CISD2: variants seen among roughly 807,000 people sequenced by gnomAD.
CISD2 encodes CDGSH iron sulfur domain 2.
A neutral mutation model predicts 12.9 loss-of-function variants in CISD2; 1 was observed. The ratio of observed to expected loss-of-function variants is 0.08; its 90% CI spans 0.03 to 0.37. CISD2 has a LOEUF of 0.37. Among genes scored for constraint, CISD2 ranks in the 10% least tolerant of loss-of-function variants. The pLI is 0.99. For synonymous variants in CISD2, 50 were observed against 60.6 expected, an observed-to-expected ratio of 0.83 and a Z score of 0.81; for missense variants, 97 against 163.1, an observed-to-expected ratio of 0.59 and a Z score of 2.21.
chr4:102,886,012 G>C (rs997124957), intron 2 of CISD2, among the ~76,000 whole-genome samples: 7 of 152,148 alleles, frequency 4.6e-5, no homozygotes, highest in African/African-American at 1.2e-4. Flanking sequence ...CTTGATCATA[G>C]ATTATTTGAG....
chr4:102,877,483 C>T (rs944765346), intron 1 of CISD2, among the ~76,000 whole-genome samples: 15 of 152,316 alleles, frequency 9.8e-5, no homozygotes, highest in African/African-American at 3.6e-4. Flanking sequence ...CCTTGGGCAG[C>T]TCCTTCAAGG....
In CISD2 at chr4:102,885,281, C is replaced by T. The variant is rs1265453339; in HGVS notation, c.169C>T (p.Arg57Cys). Reference sequence around the variant, plus strand: ...CGCACTTCTTGGCTACCTTGCAGTTCGTCCATTCCTCCCGAAGAAGAAACA... The same window carrying T: ...CGCACTTCTTGGCTACCTTGCAGTTTGTCCATTCCTCCCGAAGAAGAAACA... ...VLALLGYLAVRPFLPKKKQQK... is the reference protein window; with the variant it reads ...VLALLGYLAVCPFLPKKKQQK... The change falls in exon 2 of 3, where the codon CGT becomes TGT. Residue 57 changes from arginine to cysteine, a missense_variant. Arg to Cys is a radical substitution (Grantham distance 180). Around this residue, in one of 2 missense-constraint regions of CISD2, gnomAD observed 89 missense variants for 114.4 expected, o/e 0.78. Coordinates refer to ENST00000273986, the MANE Select transcript of CISD2 (RefSeq NM_001008388.5). The T allele has an allele frequency of 2.5e-6, 4 of 1,614,056 alleles. No individual in the cohort carries two copies. The highest frequency in any genetic ancestry group is 3.4e-6 in the Non-Finnish European group (4 of 1,179,982).
rs1409803876 is a variant in CISD2 at position 102,891,046 on chromosome 4, T to C, written c.*3616T>C. The C allele has an allele frequency of 2.0e-5, 3 of 151,020 alleles. No individual in the cohort carries two copies. Among genetic ancestry groups the C allele is most frequent in the Non-Finnish European group, 4.4e-5 (3 of 68,002 alleles). 9.4% of individuals were successfully genotyped at this position (151,020 alleles called of 1,614,324 possible). On this transcript the variant is annotated 3_prime_UTR_variant, in exon 3 of 3. Coordinates refer to ENST00000273986, the MANE Select transcript of CISD2 (RefSeq NM_001008388.5). ...TAGATATAGTCAAAGTATGAAATCA[T>C]TGATAGATCCAGAACAAGGAAATGA...
intron 1 of CISD2, 121 bp downstream of exon 1, chr4:102,869,308 G>T: frequency 7.2e-7 from 1 of 1,384,744 alleles, no homozygotes; most frequent in Admixed American, 2.0e-5. Context: ...TGATCCCCGC[G>T]CGCAGAGGAA....
Position 102,889,687 on chromosome 4 carries a change from C to T in CISD2, c.*2257C>T, listed in dbSNP as rs1487018997. 6.6e-6 allele frequency: 1 copy of T among 152,192 alleles called. No homozygotes were observed. Among genetic ancestry groups the T allele is most frequent in the South Asian group, 2.1e-4 (1 of 4,832 alleles). The allele number at this position is 152,192 out of a possible 1,614,324, so 9.4% of individuals were successfully genotyped here. A position where few individuals can be genotyped will look rare whatever the true frequency, so the allele number is the denominator to read the frequency against. On this transcript the variant is annotated 3_prime_UTR_variant, in exon 3 of 3. Transcript: ENST00000273986. ...AATATGCTAAGAGCTATGCCCATAT[C>T]TTTTCCCACCTGTGCACATTTTTCA...
At chr4:102,874,786 TTC>T (rs1181707028) in intron 1 of CISD2, 2 of 152,158 alleles carry the variant, frequency 1.3e-5, no homozygotes, top group African/African-American at 4.8e-5. Flanking sequence ...CTCACATTTG[TTC>T]TCTCTTCTCT....
chr4:102,871,783 AT>A (rs1165463778), intron 1 of CISD2, among the ~76,000 whole-genome samples: 3 of 152,244 alleles, frequency 2.0e-5, no homozygotes, highest in Non-Finnish European at 2.9e-5. Flanking sequence ...AGACCAAAAA[AT>A]ATTTCCATTT....
At chr4:102,882,887 C>T (rs1469456405) in intron 1 of CISD2, 1 of 152,218 alleles carries the variant, frequency 6.6e-6, no homozygotes, top group Non-Finnish European at 1.5e-5. Flanking sequence ...GCTGGAATTA[C>T]AGGCGCCTGC....
At chr4:102,870,353 C>G (rs1733402207) in intron 1 of CISD2, among the ~76,000 whole-genome samples, 1 of 151,762 alleles carries the variant, frequency 6.6e-6, no homozygotes. Flanking sequence ...AAATGTGGTG[C>G]TTCAGTGATA....
intron 2 of CISD2, among the ~76,000 whole-genome samples, chr4:102,886,939 T>C (rs1733956793): frequency 6.6e-6 from 1 of 152,200 alleles, no homozygotes; most frequent in East Asian, 1.9e-4. Flanking sequence ...TTTTCAAAAA[T>C]TGTGTGGTAT....
chr4:102,871,809 T>C (rs545939742), intron 1 of CISD2, among the ~76,000 whole-genome samples: 103 of 152,206 alleles, frequency 6.8e-4, no homozygotes, highest in Non-Finnish European at 1.3e-3. Context: ...CTATGAAAAT[T>C]AGAGCAAAAA....
At chr4:102,885,127 CAAAG>C (rs1473202893) in intron 1 of CISD2, 85 bp from the exon 2 acceptor site, 59 of 1,071,586 alleles carry the variant, frequency 5.5e-5, no homozygotes, top group Non-Finnish European at 8.3e-5. Flanking sequence ...TAAAAAGTAA[CAAAG>C]AATAAGCTCA....
At position 102,888,730 on chromosome 4, in the gene CISD2, C is replaced by T. The variant is rs1275045427; in HGVS notation, c.*1300C>T. The T allele has an allele frequency of 6.6e-6, 1 of 152,300 alleles. No homozygotes were observed. The highest frequency in any genetic ancestry group is 2.4e-5 in the African/African-American group (1 of 41,478). The allele number at this position is 152,300 out of a possible 1,614,324, so 9.4% of individuals were successfully genotyped here. On this transcript the variant is annotated 3_prime_UTR_variant, in exon 3 of 3. Transcript: ENST00000273986. ...GGAGGATGGCTGCAGTACAAGAGCC[C>T]AGGAGTTCAAGGCCAGGCTGGGCAA...
rs1734162614 is a variant in CISD2 at position 102,890,104 on chromosome 4, A to G, written c.*2674A>G. 6.6e-6 allele frequency: 1 copy of G among 152,194 alleles called. No individual in the cohort carries two copies. The highest frequency in any genetic ancestry group is 1.5e-5 in the Non-Finnish European group (1 of 68,042). 9.4% of individuals were successfully genotyped at this position (152,194 alleles called of 1,614,324 possible). On this transcript the variant is annotated 3_prime_UTR_variant, in exon 3 of 3. Coordinates refer to ENST00000273986, the MANE Select transcript of CISD2 (RefSeq NM_001008388.5). ...GTATCCAAAAGTGTTAGCAGGCTTG[A>G]GGTATGAATGATTCATTCATATGGG... is the stretch of plus-strand genomic sequence containing the variant.
chr4:102,890,900 G>A lies in CISD2; in HGVS notation c.*3470G>A, dbSNP rs1439609103. 5 of 143,302 alleles carry A rather than the reference G, an allele frequency of 3.5e-5. No individual in the cohort carries two copies. The highest frequency in any genetic ancestry group is 2.8e-4 in the Admixed American group (4 of 14,170). 8.9% of individuals were successfully genotyped at this position (143,302 alleles called of 1,614,324 possible). ...ATCAAATTTATTGTGGCAGAAATCAGTACGAAGTTCGTAGGACAGGAGGAA... is the reference window on the plus strand; with the variant it reads ...ATCAAATTTATTGTGGCAGAAATCAATACGAAGTTCGTAGGACAGGAGGAA... On this transcript the variant is annotated 3_prime_UTR_variant, in exon 3 of 3. Transcript: ENST00000273986.
In CISD2 at chr4:102,890,926, A is replaced by G. The variant is rs953368368; in HGVS notation, c.*3496A>G. On this transcript the variant is annotated 3_prime_UTR_variant, in exon 3 of 3. Transcript: ENST00000273986. The stretch of plus-strand genomic sequence containing the variant: ...TACGAAGTTCGTAGGACAGGAGGAA[A>G]CCAATATAAATATCTCAGCATTGTA... 6 of 150,070 alleles carry G rather than the reference A, an allele frequency of 4.0e-5. No individual in the cohort carries two copies. The highest frequency in any genetic ancestry group is 1.3e-4 in the African/African-American group (5 of 39,798). 9.3% of individuals were successfully genotyped at this position (150,070 alleles called of 1,614,324 possible). A position where few individuals can be genotyped will look rare whatever the true frequency, so the allele number is the denominator to read the frequency against.
chr4:102,884,421 G>A (rs1733808797), intron 1 of CISD2, among the ~76,000 whole-genome samples: 1 of 152,206 alleles, frequency 6.6e-6, no homozygotes, highest in Non-Finnish European at 1.5e-5. Context: ...ATTCAGTGAA[G>A]GAAGTTAACT....
intron 1 of CISD2, among the ~76,000 whole-genome samples, chr4:102,877,999 T>G (rs1733630290): frequency 6.6e-6 from 1 of 152,260 alleles, no homozygotes; most frequent in Admixed American, 6.5e-5. Context: ...AAGGGCCTGC[T>G]GTGAAGACCT....
At position 102,869,073 on chromosome 4, in the gene CISD2, C is replaced by G. The variant is rs773366048; in HGVS notation, c.-12C>G. 30 of 1,604,188 alleles carry G rather than the reference C, an allele frequency of 1.9e-5. No individual in the cohort carries two copies. In the Admixed American group the frequency reaches 3.5e-4, roughly 19 times the overall value. The stretch of plus-strand genomic sequence containing the variant: ...AGGGGGCTCGGGAGAGGAGTGGACG[C>G]CGCTGGCCAGGATGGTGCTGGAGAG... On this transcript the variant is annotated 5_prime_UTR_variant, in exon 1 of 3. Coordinates refer to ENST00000273986, the MANE Select transcript of CISD2 (RefSeq NM_001008388.5).
Sources: allele counts gnomAD v4.1 joint callset (sites outside exome capture counted in the v4.1 genomes callset), GRCh38; gene constraint gnomAD v4.1.1; regional missense constraint gnomAD v4.1.1; transcripts MANE v1.5; gene names NCBI Gene and HGNC (gene_info 2026-07-23, HGNC 2026-07-21).